The following MRPS30 variants were observed in gnomAD, a reference collection of about 807,000 sequenced individuals.
MRPS30 encodes mitochondrial ribosomal protein S30, also known as large ribosomal subunit protein mL65.
MRPS30 carries 42 observed loss-of-function variants against 43.8 expected under a neutral mutation model. The ratio of observed to expected loss-of-function variants is 0.96; its 90% confidence interval spans 0.75 to 1.24. MRPS30 has a LOEUF of 1.24. Among genes scored for constraint, MRPS30 ranks in the 50% most tolerant of loss-of-function variants. The probability of loss-of-function intolerance (pLI) is 0.00; values close to 1 mark genes in which losing one functional copy is unlikely to be tolerated. For missense variants in MRPS30, 638 were observed against 570.0 expected (o/e 1.12, Z -1.22); for synonymous variants, 273 against 228.2 (o/e 1.20, Z -1.77).
Position 44,812,097 on chromosome 5 carries a change from T to G in MRPS30, c.853+77T>G, listed in dbSNP as rs1579857570. On this transcript the variant is annotated intron_variant, in intron 3 of 4. Transcript: ENST00000507110. ...TGCAAATTTGGAGTATTGACTACAATGAGGAATTAATTCTCGAAGACCGAG... is the reference window on the plus strand; with the variant it reads ...TGCAAATTTGGAGTATTGACTACAAGGAGGAATTAATTCTCGAAGACCGAG... The G allele has an allele frequency of 4.0e-5, 39 of 986,272 alleles. No homozygotes were observed. The East Asian group carries it at 1.0e-3, about 25-fold the overall frequency. The allele number at this position is 986,272 out of a possible 1,614,324, so 61.1% of individuals were successfully genotyped here. A position where few individuals can be genotyped will look rare whatever the true frequency, so the allele number is the denominator to read the frequency against.
intron 2 of MRPS30, 133 bp downstream of exon 2, chr5:44,811,287 C>A: frequency 1.0e-6 from 1 of 981,506 alleles, no homozygotes; most frequent in Non-Finnish European, 1.5e-6. Flanking sequence ...TTTTTGAAGA[C>A]ATCACCTCTC....
chr5:44,809,842 A>C, intron 1 of MRPS30: 1 of 435,308 alleles, frequency 2.3e-6, no homozygotes, highest in East Asian at 3.6e-5. Flanking sequence ...GTGAGTGTTC[A>C]GCCAAATGGA....
chr5:44,812,154 G>A (rs952494175), intron 3 of MRPS30, 134 bp downstream of exon 3: 19 of 473,322 alleles, frequency 4.0e-5, no homozygotes, highest in East Asian at 3.8e-4. Context: ...AATATAATTC[G>A]TAATCTCAGG....
In MRPS30 at chr5:44,809,001, T is replaced by C. The variant is rs963177485; in HGVS notation, c.39T>C (p.Gly13=). 1 of 1,609,138 alleles carries C rather than the reference T, an allele frequency of 6.2e-7. No individual in the cohort carries two copies. The highest frequency in any genetic ancestry group is 1.3e-5 in the African/African-American group (1 of 74,870). ...GGTGTTGGAGGCCTTTGCTACGCGGTCCGAGGCTTTCATTGCACACCGCGG... is the reference window on the plus strand; with the variant it reads ...GGTGTTGGAGGCCTTTGCTACGCGGCCCGAGGCTTTCATTGCACACCGCGG... ...AARCWRPLLR[G]PRLSLHTAAN... is the part of the protein sequence containing the mutation. The change falls in exon 1 of 5, where the codon GGT becomes GGC. Residue 13 remains glycine, a synonymous_variant. Coordinates refer to ENST00000507110, the MANE Select transcript of MRPS30 (RefSeq NM_016640.4).
At chr5:44,810,931 G>C in intron 1 of MRPS30, 78 bp from the exon 2 acceptor site, 3 of 1,271,872 alleles carry the variant, frequency 2.4e-6, no homozygotes, top group Non-Finnish European at 2.2e-6. Context: ...TGCTAAGTTA[G>C]TACTCTTTAG....
intron 4 of MRPS30, among the ~76,000 whole-genome samples, chr5:44,814,297 C>T (rs778000888): frequency 3.9e-5 from 6 of 152,092 alleles, no homozygotes; most frequent in Non-Finnish European, 8.8e-5. Context: ...TTACTAGGCT[C>T]ATCTTTTTTT....
chr5:44,811,982 C>A lies in MRPS30; in HGVS notation c.815C>A (p.Pro272Gln). The change falls in exon 3 of 5, where the codon CCA becomes CAA. Residue 272 changes from proline (P) to glutamine (Q), a missense_variant. Physicochemically the swap from Pro to Gln is moderately conservative, Grantham distance 76 (BLOSUM62 -1). Transcript: ENST00000507110. ...ATAAAATGTAAACCAGACAAACTTC[C>A]ATTATTCAAACGGCAGTATGAAAAC... Reference protein sequence around the residue: ...PTIKCKPDKLPLFKRQYENHI... With the variant: ...PTIKCKPDKLQLFKRQYENHI... 1 of 1,601,960 alleles carries A rather than the reference C, an allele frequency of 6.2e-7. No individual in the cohort carries two copies. Among genetic ancestry groups the A allele is most frequent in the Non-Finnish European group, 8.5e-7 (1 of 1,172,974 alleles).
rs772035157 is a variant in MRPS30, at chr5:44,809,143, C to T, written c.181C>T (p.Arg61Trp). 6.8e-6 allele frequency: 11 copies of T among 1,611,534 alleles called. No individual in the cohort carries two copies. The highest frequency in any genetic ancestry group is 9.3e-6 in the Non-Finnish European group (11 of 1,179,376). Residue 61 changes from arginine to tryptophan, a missense_variant, in exon 1 of 5, where the codon CGG (arginine) becomes TGG (tryptophan). Coordinates refer to ENST00000507110, the MANE Select transcript of MRPS30 (RefSeq NM_016640.4). ...MTADSKAARLRRIERWQATVH... is the reference protein window; with the variant it reads ...MTADSKAARLWRIERWQATVH... ...AGCCGACAGCAAAGCTGCACGGCTG[C>T]GGCGGATCGAGCGCTGGCAGGCGAC...
chr5:44,809,620 A>G (rs1036034315), intron 1 of MRPS30, 57 bp downstream of exon 1: 3 of 1,463,198 alleles, frequency 2.1e-6, no homozygotes, highest in Admixed American at 4.5e-5. Flanking sequence ...GTACTGGGTT[A>G]CTCTGCCGCA....
rs757840333 is a variant in MRPS30 at position 44,809,541 on chromosome 5, G to T, written c.579G>T (p.Pro193=). 28 of 1,600,178 alleles carry T rather than the reference G, an allele frequency of 1.7e-5. No individual in the cohort carries two copies. Among genetic ancestry groups the T allele is most frequent in the Non-Finnish European group, 2.3e-5 (27 of 1,173,630 alleles). The change falls in exon 1 of 5, where the codon CCG becomes CCT. Residue 193 remains proline (P), a synonymous_variant. Coordinates refer to ENST00000507110, the MANE Select transcript of MRPS30 (RefSeq NM_016640.4). ...TGGGCCTCCTCAGCCCACACAACCC[G>T]GCCCTGGCCGCTGCCGCCCTCGGTG... ...TLVGLLSPHN[P]ALAAAALDYR... is the part of the protein sequence containing the mutation.
Position 44,811,142 on chromosome 5 carries a change from G to A in MRPS30, c.735G>A (p.Lys245=). ...CAAACAACCAGATTCGAATATCCAA[G>A]CAACTCGCAGAGGTAAGGATTTATT... The part of the protein sequence containing the change: ...DKPNNQIRIS[K]QLAEFVPLDY... Residue 245 remains lysine, a synonymous_variant, in exon 2 of 5, where the codon AAG becomes AAA. Coordinates refer to ENST00000507110, the MANE Select transcript of MRPS30 (RefSeq NM_016640.4). 6.2e-7 allele frequency: 1 copy of A among 1,614,006 alleles called. No individual in the cohort carries two copies. The highest frequency in any genetic ancestry group is 2.2e-5 in the East Asian group (1 of 44,858).
chr5:44,810,938 TTAGTGTTCTAA>T, intron 1 of MRPS30, 60 bp from the exon 2 acceptor site: 1 of 1,356,176 alleles, frequency 7.4e-7, no homozygotes, highest in Non-Finnish European at 1.0e-6. Flanking sequence ...TTAGTACTCT[TTAGTGTTCTAA>T]TAGTAACCAA....
intron 2 of MRPS30, 44 bp from the exon 3 acceptor site, chr5:44,811,871 C>G: frequency 8.4e-7 from 1 of 1,190,184 alleles, no homozygotes; most frequent in Non-Finnish European, 1.2e-6. Flanking sequence ...AAAATACATA[C>G]TAATGTTGCT....
In MRPS30 at chr5:44,809,538, C is replaced by G. The variant is rs927465410; in HGVS notation, c.576C>G (p.Asn192Lys). ...STLVGLLSPH[N>K]PALAAAALDY... ...TCGTGGGCCTCCTCAGCCCACACAA[C>G]CCGGCCCTGGCCGCTGCCGCCCTCG... The change falls in exon 1 of 5, where the codon AAC becomes AAG. Residue 192 changes from asparagine to lysine, a missense_variant. Asn to Lys is a moderately conservative substitution (Grantham distance 94). Coordinates refer to ENST00000507110, the MANE Select transcript of MRPS30 (RefSeq NM_016640.4). The G allele has an allele frequency of 6.2e-7, 1 of 1,605,398 alleles. No individual in the cohort carries two copies. The highest frequency in any genetic ancestry group is 8.5e-7 in the Non-Finnish European group (1 of 1,175,754).
intron 1 of MRPS30, 141 bp downstream of exon 1, chr5:44,809,704 G>A: frequency 2.1e-6 from 2 of 965,228 alleles, no homozygotes; most frequent in Non-Finnish European, 1.5e-6. Flanking sequence ...ATCTGGGGTG[G>A]CCTGGTTTTG....
At position 44,809,309 on chromosome 5, in the gene MRPS30, C is replaced by T. The variant is rs749702932; in HGVS notation, c.347C>T (p.Ser116Leu). 6 of 1,612,458 alleles carry T rather than the reference C, an allele frequency of 3.7e-6. No individual in the cohort carries two copies. Among genetic ancestry groups the T allele is most frequent in the African/African-American group, 2.7e-5 (2 of 74,892 alleles). ...YQYFTKTVFLSGLPPPPAEPE... is the reference protein window; with the variant it reads ...YQYFTKTVFLLGLPPPPAEPE... ...TACTTCACCAAGACCGTGTTCCTGT[C>T]GGGTCTGCCGCCGCCCCCAGCGGAG... Residue 116 changes from serine (S) to leucine (L), a missense_variant, in exon 1 of 5, where the codon TCG becomes TTG. Physicochemically the swap from Ser to Leu is moderately radical, Grantham distance 145. Coordinates refer to ENST00000507110, the MANE Select transcript of MRPS30 (RefSeq NM_016640.4).
chr5:44,811,847 T>TTA, intron 2 of MRPS30, 68 bp from the exon 3 acceptor site: 1 of 916,930 alleles, frequency 1.1e-6, no homozygotes, highest in African/African-American at 1.7e-5. Flanking sequence ...TTTTTAAATC[T>TTA]AATGAGTGTG....
chr5:44,810,917 C>A, intron 1 of MRPS30, 92 bp from the exon 2 acceptor site: 3 of 1,111,692 alleles, frequency 2.7e-6, no homozygotes, highest in Non-Finnish European at 3.9e-6. Flanking sequence ...CCTAAGTTAT[C>A]ATTTGCTAAG....
chr5:44,814,266 G>A (rs1423088933), intron 4 of MRPS30, among the ~76,000 whole-genome samples: 3 of 152,088 alleles, frequency 2.0e-5, no homozygotes, highest in Non-Finnish European at 4.4e-5. Context: ...ATATCCAAGA[G>A]GAATTTTACT....
Sources: allele counts gnomAD v4.1 joint callset (sites outside exome capture counted in the v4.1 genomes callset), GRCh38; gene constraint gnomAD v4.1.1; transcripts MANE v1.5; gene names NCBI Gene and HGNC (gene_info 2026-07-23, HGNC 2026-07-21).